Variants in CAMSAP1 observed in about 807,000 individuals in gnomAD.
CAMSAP1 encodes calmodulin-regulated spectrin-associated protein 1.
A neutral mutation model predicts 143.5 loss-of-function variants in CAMSAP1; 58 were observed. The ratio of observed to expected loss-of-function variants is 0.40; its 90% CI spans 0.33 to 0.50. The LOEUF is 0.50. CAMSAP1 is among the 20% of genes least tolerant of loss of function. The probability of loss-of-function intolerance (pLI) is 0.45; values close to 1 mark genes in which losing one functional copy is unlikely to be tolerated. For synonymous variants in CAMSAP1, 945 were observed against 859.3 expected, an observed-to-expected ratio of 1.10 and a Z score of -1.74; for missense variants, 1,969 against 2,115.7, an observed-to-expected ratio of 0.93 and a Z score of 1.36.
chr9:135,827,817 G>A (rs889481736), intron 7 of CAMSAP1, among the ~76,000 whole-genome samples: 3 of 152,220 alleles, frequency 2.0e-5, no homozygotes, highest in Non-Finnish European at 4.4e-5. Flanking sequence ...GAAGAACTGA[G>A]AGGAAATGTA....
In CAMSAP1 at chr9:135,829,750, G is replaced by A. The variant is rs993169254; in HGVS notation, c.1046-2166C>T. 2.0e-5 allele frequency among the ~76,000 whole-genome samples: 3 copies of A among 152,100 alleles called. No individual in the cohort carries two copies. The South Asian group carries it at 6.2e-4, about 31-fold the overall frequency. Reference sequence around the variant, plus strand: ...TACCTGTAGTCCCAGCTACTCAGGAGGCTGAGGCAGGAGAATCACTTGAAC... The same window carrying A: ...TACCTGTAGTCCCAGCTACTCAGGAAGCTGAGGCAGGAGAATCACTTGAAC... On this transcript the variant is annotated intron_variant, in intron 7 of 16. Transcript: ENST00000389532.
intron 7 of CAMSAP1, among the ~76,000 whole-genome samples, chr9:135,830,050 T>C (rs1284580700): frequency 6.6e-6 from 1 of 151,892 alleles, no homozygotes; most frequent in Admixed American, 6.6e-5. Context: ...AAGCCCTAGG[T>C]AATGACTACT....
intron 5 of CAMSAP1, among the ~76,000 whole-genome samples, chr9:135,852,262 T>C (rs1386318509): frequency 2.6e-5 from 4 of 152,210 alleles, no homozygotes; most frequent in African/African-American, 7.2e-5. Flanking sequence ...TCAGGTCACG[T>C]GTGCTGCAAA....
chr9:135,821,014 G>C lies in CAMSAP1; in HGVS notation c.3647C>G (p.Ser1216Trp), dbSNP rs149524209. Residue 1216 changes from serine to tryptophan, a missense_variant, in exon 11 of 17, where the codon TCG (serine) becomes TGG (tryptophan). Ser to Trp is a radical substitution (Grantham distance 177, BLOSUM62 -3). Transcript: ENST00000389532. The surrounding 1 kb of genome is among the most constrained non-coding windows in gnomAD (Gnocchi z 4.6). ...KEVGSSSSDVSGKESVPVEEP... is the reference protein window; with the variant it reads ...KEVGSSSSDVWGKESVPVEEP... ...CTCCACGGGGACGCTCTCTTTTCCC[G>C]AGACATCTGAGGAGCTGGACCCCAC... 1.1e-5 allele frequency: 18 copies of C among 1,612,832 alleles called. No individual in the cohort carries two copies. The highest frequency in any genetic ancestry group is 1.5e-5 in the Non-Finnish European group (18 of 1,179,178).
chr9:135,848,216 T>G (rs1836645988), intron 7 of CAMSAP1, among the ~76,000 whole-genome samples: 1 of 151,840 alleles, frequency 6.6e-6, no homozygotes. Flanking sequence ...GAAGGAAAGT[T>G]AAGTCCAGGG....
intron 16 of CAMSAP1, among the ~76,000 whole-genome samples, chr9:135,813,088 G>A (rs887961076): frequency 6.6e-6 from 1 of 152,126 alleles, no homozygotes; most frequent in Non-Finnish European, 1.5e-5. Context: ...CCCTCCACAC[G>A]CCTGGGAATG....
intron 5 of CAMSAP1, among the ~76,000 whole-genome samples, chr9:135,858,954 C>T (rs548355206): frequency 6.6e-6 from 1 of 152,314 alleles, no homozygotes; most frequent in East Asian, 1.9e-4. Flanking sequence ...GCAGGTCTTC[C>T]CTTCTCAAGC....
At chr9:135,863,419 G>A (rs924084136) in intron 4 of CAMSAP1, among the ~76,000 whole-genome samples, 3 of 152,164 alleles carry the variant, frequency 2.0e-5, no homozygotes, top group African/African-American at 4.8e-5. Flanking sequence ...TAACAGCCAC[G>A]ATACAGCTTT....
intron 16 of CAMSAP1, among the ~76,000 whole-genome samples, chr9:135,812,369 G>A (rs1253790661): frequency 2.0e-5 from 3 of 152,256 alleles, no homozygotes; most frequent in Non-Finnish European, 4.4e-5. Flanking sequence ...ACACTACACT[G>A]AGAAACCTCA....
At chr9:135,863,622 G>A (rs185061238) in intron 4 of CAMSAP1, among the ~76,000 whole-genome samples, 11 of 152,170 alleles carry the variant, frequency 7.2e-5, no homozygotes, top group Admixed American at 7.2e-4. Flanking sequence ...ACATCATGTA[G>A]AATAATCAAT....
chr9:135,830,345 G>C (rs1483685457), intron 7 of CAMSAP1, among the ~76,000 whole-genome samples: 1 of 152,168 alleles, frequency 6.6e-6, no homozygotes, highest in Admixed American at 6.5e-5. Flanking sequence ...AGAACACACA[G>C]GCTGAAAGTG....
Position 135,821,678 on chromosome 9 carries a change from C to T in CAMSAP1, c.2983G>A (p.Glu995Lys), listed in dbSNP as rs571335059. Residue 995 changes from glutamate to lysine, a missense_variant, in exon 11 of 17, where the codon GAG (glutamate) becomes AAG (lysine). By Grantham distance (56) the Glu-to-Lys change is moderately conservative (BLOSUM62 1). This residue lies in a region of CAMSAP1 where 1,390 missense variants were observed against 1,420.8 expected (regional missense o/e 0.98). Coordinates refer to ENST00000389532, the MANE Select transcript of CAMSAP1 (RefSeq NM_015447.4). This position sits in a 1 kb window ranked among gnomAD's most constrained non-coding sequence, Gnocchi z 4.6. ...GAGATCACCTTATTTCTCTCCAGCT[C>T]GTGCAGAGCCACAGGGTCTTTTGCT... ...HKAKDPVALH[E>K]LERNKVISAA... 6 of 1,614,010 alleles carry T rather than the reference C, an allele frequency of 3.7e-6. No individual in the cohort carries two copies. The highest frequency in any genetic ancestry group is 1.7e-5 in the Admixed American group (1 of 60,030).
intron 1 of CAMSAP1, among the ~76,000 whole-genome samples, chr9:135,888,660 G>A (rs890257357): frequency 2.0e-5 from 3 of 152,214 alleles, no homozygotes; most frequent in African/African-American, 7.2e-5. Context: ...CCTCTGCAGA[G>A]GCCCCAAAGG....
intron 7 of CAMSAP1, among the ~76,000 whole-genome samples, chr9:135,841,719 T>C (rs908040944): frequency 6.6e-6 from 1 of 152,052 alleles, no homozygotes; most frequent in African/African-American, 2.4e-5. Context: ...GGGTTTGGAG[T>C]GGACCTCCAG....
At chr9:135,835,269 G>A (rs1418754051) in intron 7 of CAMSAP1, among the ~76,000 whole-genome samples, 9 of 152,190 alleles carry the variant, frequency 5.9e-5, no homozygotes, top group Admixed American at 5.9e-4. Context: ...AGCATGGGGA[G>A]TGTGCCGGTC....
chr9:135,823,337 T>C (rs1406648625), intron 10 of CAMSAP1, 77 bp from the exon 11 acceptor site: 2 of 1,464,038 alleles, frequency 1.4e-6, no homozygotes, highest in Admixed American at 2.4e-5. Context: ...GGGGTGAGAA[T>C]GCCGGCCACA....
intron 7 of CAMSAP1, among the ~76,000 whole-genome samples, chr9:135,834,616 G>A (rs1564428820): frequency 6.6e-6 from 1 of 152,322 alleles, no homozygotes; most frequent in East Asian, 1.9e-4. Context: ...AAGCAGAGAA[G>A]TGTTTGCCAG....
intron 7 of CAMSAP1, chr9:135,836,070 G>C (rs944480708): frequency 1.0e-6 from 1 of 975,140 alleles, no homozygotes; most frequent in Non-Finnish European, 1.2e-6. Context: ...TCTCTTATCC[G>C]ACCAGGGGCA....
At chr9:135,894,553 C>A (rs1017644719) in intron 1 of CAMSAP1, among the ~76,000 whole-genome samples, 1 of 152,348 alleles carries the variant, frequency 6.6e-6, no homozygotes, top group Non-Finnish European at 1.5e-5. Context: ...CCTCGAGCAA[C>A]ATCAGTGGGG....
Sources: gnomAD v4.1 joint callset for allele counts (sites outside exome capture counted in the v4.1 genomes callset) on GRCh38, gnomAD v4.1.1 for gene constraint, gnomAD v4.1.1 regional missense constraint, Gnocchi (gnomAD v3.1) non-coding constraint, MANE v1.5 for transcripts, NCBI Gene and HGNC (gene_info 2026-07-23, HGNC 2026-07-21) for gene names.